The following PDGFRA variants were observed in gnomAD, a reference collection of about 807,000 sequenced individuals.
PDGFRA encodes platelet derived growth factor receptor alpha, also known as platelet-derived growth factor receptor alpha.
In PDGFRA, 25 loss-of-function variants were observed where a neutral mutation model predicts 121.5. That is an observed-to-expected ratio of 0.21 (90% confidence interval 0.15 to 0.29). The LOEUF (loss-of-function observed/expected upper bound fraction) is 0.29. PDGFRA is among the 10% of genes least tolerant of loss of function. PDGFRA has a pLI of 1.00. For synonymous variants in PDGFRA, 463 were observed against 494.8 expected (o/e 0.94, Z 0.85); for missense variants, 1,008 against 1,345.1 (o/e 0.75, Z 3.92).
At chr4:54,244,400 T>C (rs926221115) in intron 1 of PDGFRA, among the ~76,000 whole-genome samples, 7 of 152,196 alleles carry the variant, frequency 4.6e-5, no homozygotes, top group African/African-American at 1.7e-4. Context: ...CAGCAGCATT[T>C]GCGGTTCACG....
chr4:54,292,560 G>T (rs1724683283), intron 22 of PDGFRA, among the ~76,000 whole-genome samples: 1 of 152,092 alleles, frequency 6.6e-6, no homozygotes, highest in East Asian at 1.9e-4. Flanking sequence ...ATAGCTAATG[G>T]ATACTGGGCA....
At chr4:54,279,097 C>T (rs1397583361) in intron 15 of PDGFRA, 5 of 293,008 alleles carry the variant, frequency 1.7e-5, no homozygotes, top group Middle Eastern at 1.3e-3. Flanking sequence ...CATGGCCACA[C>T]GGCTCAAGTT....
intron 16 of PDGFRA, 42 bp downstream of exon 16, chr4:54,280,524 G>C (rs1267455427): frequency 6.6e-7 from 1 of 1,508,496 alleles, no homozygotes; most frequent in Admixed American, 1.7e-5. Flanking sequence ...GGACTTTCCA[G>C]TGGTTTAATA....
At chr4:54,241,308 G>C (rs1431927513) in intron 1 of PDGFRA, among the ~76,000 whole-genome samples, 2 of 151,954 alleles carry the variant, frequency 1.3e-5, no homozygotes, top group Non-Finnish European at 2.9e-5. Context: ...TTTTTGGTAA[G>C]GAATGTTATA....
At chr4:54,232,710 G>A (rs911059929) in intron 1 of PDGFRA, among the ~76,000 whole-genome samples, 3 of 152,158 alleles carry the variant, frequency 2.0e-5, no homozygotes, top group Non-Finnish European at 2.9e-5. Flanking sequence ...TCAGCCTCCC[G>A]AGTAACTGGG....
At chr4:54,263,640 G>C in intron 3 of PDGFRA, 27 bp from the exon 4 acceptor site, 1 of 1,608,078 alleles carries the variant, frequency 6.2e-7, no homozygotes, top group Non-Finnish European at 8.5e-7. Context: ...ATGTCTAATA[G>C]AGTCTTCATT....
chr4:54,248,635 C>CCATT (rs1310470342), intron 1 of PDGFRA, among the ~76,000 whole-genome samples: 1 of 152,168 alleles, frequency 6.6e-6, no homozygotes, highest in Non-Finnish European at 1.5e-5. Flanking sequence ...CTAGGCATTA[C>CCATT]CATTCAGGAC....
At position 54,239,051 on chromosome 4, in the gene PDGFRA, G is replaced by A. The variant is rs1014750971; in HGVS notation, c.-13+9636G>A. Among the ~76,000 whole-genome samples the A allele has an allele frequency of 2.6e-5, 4 of 152,282 alleles. No individual in the cohort carries two copies. In the South Asian group the frequency reaches 8.3e-4, roughly 32 times the overall value. On this transcript the variant is annotated intron_variant, in intron 1 of 22. Coordinates refer to ENST00000257290, the MANE Select transcript of PDGFRA (RefSeq NM_006206.6). ...GAAGCTGGCCAAAACCCACCAAAACGAAGATGGTGATGAAAGTGACCTCTG... is the reference window on the plus strand; with the variant it reads ...GAAGCTGGCCAAAACCCACCAAAACAAAGATGGTGATGAAAGTGACCTCTG...
chr4:54,233,414 G>A (rs1033308581), intron 1 of PDGFRA, among the ~76,000 whole-genome samples: 13 of 152,234 alleles, frequency 8.5e-5, no homozygotes, highest in Non-Finnish European at 1.8e-4. Context: ...CCAGGAGCCT[G>A]GGCTGCGGGC....
intron 1 of PDGFRA, among the ~76,000 whole-genome samples, chr4:54,241,079 A>G (rs1030948112): frequency 1.1e-4 from 16 of 152,250 alleles, no homozygotes; most frequent in African/African-American, 3.9e-4. Context: ...TAAGTTTACT[A>G]AAATTTAGAG....
intron 7 of PDGFRA, among the ~76,000 whole-genome samples, chr4:54,268,157 G>T (rs938056541): frequency 6.6e-6 from 1 of 152,194 alleles, no homozygotes; most frequent in Non-Finnish European, 1.5e-5. Flanking sequence ...AACGTCATAG[G>T]CTTAATCTGG....
chr4:54,280,276 A>G, intron 15 of PDGFRA, 40 bp from the exon 16 acceptor site: 1 of 1,584,898 alleles, frequency 6.3e-7, no homozygotes, highest in Non-Finnish European at 8.7e-7. Flanking sequence ...ACCACTTCAG[A>G]AGGGCACCCT....
At chr4:54,265,549 C>G (rs1021274106) in intron 5 of PDGFRA, among the ~76,000 whole-genome samples, 1 of 152,124 alleles carries the variant, frequency 6.6e-6, no homozygotes, top group Non-Finnish European at 1.5e-5. Context: ...CTTTGCATGG[C>G]TCACCTTCAG....
rs1230076983 is a variant in PDGFRA, at chr4:54,267,656, A to G, written c.1036A>G (p.Arg346Gly). The G allele has an allele frequency of 1.9e-6, 3 of 1,613,852 alleles. No individual in the cohort carries two copies. The highest frequency in any genetic ancestry group is 2.2e-5 in the East Asian group (1 of 44,894). ...AGAGGTGCGGGCCTACCCACCTCCC[A>G]GGATATCCTGGCTGAAAAACAATCT... ...VVEVRAYPPPRISWLKNNLTL... is the reference protein window; with the variant it reads ...VVEVRAYPPPGISWLKNNLTL... The change falls in exon 7 of 23, where the codon AGG becomes GGG. Residue 346 changes from arginine (R) to glycine (G), a missense_variant. Arg to Gly is a moderately radical substitution (Grantham distance 125). Around this residue, in one of 5 missense-constraint regions of PDGFRA, gnomAD observed 575 missense variants for 701.8 expected, o/e 0.82. Coordinates refer to ENST00000257290, the MANE Select transcript of PDGFRA (RefSeq NM_006206.6).
chr4:54,290,771 T>C (rs189700291), intron 22 of PDGFRA, among the ~76,000 whole-genome samples: 1 of 152,178 alleles, frequency 6.6e-6, no homozygotes, highest in Admixed American at 6.5e-5. Context: ...GTGCATGTTG[T>C]GGGGAGAGGG....
At chr4:54,254,317 C>T (rs979341361) in intron 1 of PDGFRA, among the ~76,000 whole-genome samples, 16 of 152,204 alleles carry the variant, frequency 1.1e-4, no homozygotes, top group Non-Finnish European at 7.3e-5. Context: ...CCCAGGGAAC[C>T]GCTGTTATCA....
At chr4:54,280,845 A>AT (rs902888762) in intron 16 of PDGFRA, 19 of 169,796 alleles carry the variant, frequency 1.1e-4, no homozygotes, top group East Asian at 1.6e-4. Context: ...ATGGTGATTG[A>AT]TTTTTTTTAA....
chr4:54,297,723 A>C lies in PDGFRA; in HGVS notation c.*2451A>C. Reference sequence around the variant, plus strand: ...TTTTGGCCTCCTGCAAAGTCTCCAGAAGAAAATTTGCCAATCTTTCCTACT... The same window carrying C: ...TTTTGGCCTCCTGCAAAGTCTCCAGCAGAAAATTTGCCAATCTTTCCTACT... On this transcript the variant is annotated 3_prime_UTR_variant, in exon 23 of 23. Transcript: ENST00000257290. The C allele has an allele frequency of 4.3e-6, 1 of 233,676 alleles. No individual in the cohort carries two copies. Among genetic ancestry groups the C allele is most frequent in the Non-Finnish European group, 8.5e-6 (1 of 118,058 alleles). 14.5% of individuals were successfully genotyped at this position (233,676 alleles called of 1,614,324 possible).
At chr4:54,293,201 A>T (rs1485512628) in intron 22 of PDGFRA, among the ~76,000 whole-genome samples, 2 of 152,084 alleles carry the variant, frequency 1.3e-5, no homozygotes, top group African/African-American at 4.8e-5. Context: ...AGTTCCCACA[A>T]TCGGCATTTT....
Sources: allele counts gnomAD v4.1 joint callset (sites outside exome capture counted in the v4.1 genomes callset), GRCh38; gene constraint gnomAD v4.1.1; regional missense constraint gnomAD v4.1.1; transcripts MANE v1.5; gene names NCBI Gene and HGNC (gene_info 2026-07-23, HGNC 2026-07-21).